The following SLCO4A1 variants were observed in gnomAD, a reference collection of about 807,000 sequenced individuals.
SLCO4A1 encodes the protein colon organic anion transporter.
Under a neutral mutation model 64.6 loss-of-function variants are expected in SLCO4A1, and 51 were observed. That is an observed-to-expected ratio of 0.79 (90% CI 0.63 to 1.00). The LOEUF is 1.00. Among genes scored for constraint, SLCO4A1 ranks in the 50% least tolerant of loss-of-function variants. The pLI is 0.00. For missense variants in SLCO4A1, 919 were observed against 980.5 expected (o/e 0.94, Z 0.84); for synonymous variants, 471 against 444.9 (o/e 1.06, Z -0.74).
rs1044688443 is a variant in SLCO4A1 at position 62,680,293 on chromosome 20, A to G, written n.212-5148A>G. On this transcript the variant is annotated intron_variant and non_coding_transcript_variant, in intron 2 of 2. Coordinates refer to the SLCO4A1 transcript ENST00000466818. ...GGATTTCTACATAAACAGCCATGTC[A>G]TCTGTGAAGAGGGAGAGTTTTAATT... Among the ~76,000 whole-genome samples the G allele has an allele frequency of 2.0e-5, 3 of 152,212 alleles. No homozygotes were observed. The East Asian group carries it at 5.8e-4, about 29-fold the overall frequency.
chr20:62,670,493 A>G (rs149183841), intron 11 of SLCO4A1, among the ~76,000 whole-genome samples: 88 of 152,326 alleles, frequency 5.8e-4, no homozygotes, highest in African/African-American at 1.6e-3. Flanking sequence ...AGCTCTGCCA[A>G]TGGGAAGCCG....
intron 1 of SLCO4A1, among the ~76,000 whole-genome samples, chr20:62,653,353 G>T (rs1002757156): frequency 1.3e-5 from 2 of 152,226 alleles, no homozygotes; most frequent in Non-Finnish European, 2.9e-5. Context: ...AACAAGCCTT[G>T]CCTGGACCTG....
chr20:62,679,464 T>G (rs913115616), intron 2 of SLCO4A1, among the ~76,000 whole-genome samples: 2 of 152,058 alleles, frequency 1.3e-5, no homozygotes, highest in Non-Finnish European at 2.9e-5. Context: ...TGGTCTCAAG[T>G]GATCCTCCCA....
intron 2 of SLCO4A1, among the ~76,000 whole-genome samples, chr20:62,684,542 G>A (rs1987981386): frequency 6.6e-6 from 1 of 152,156 alleles, no homozygotes; most frequent in African/African-American, 2.4e-5. Context: ...CACAATCACA[G>A]GGGAGACTGC....
In SLCO4A1 at chr20:62,661,161, C is replaced by T; in HGVS notation, c.1107C>T (p.Ile369=). The T allele has an allele frequency of 6.2e-7, 1 of 1,612,288 alleles. No homozygotes were observed. The highest frequency in any genetic ancestry group is 1.1e-5 in the South Asian group (1 of 91,062). ...EASNPDFGKT[I]RDLPLSIWLL... ...GCAACCCGGACTTTGGGAAAACCAT[C>T]AGAGACCTGCCTCTGTAAGGACCGG... is the stretch of plus-strand genomic sequence containing the variant. Residue 369 remains isoleucine (I), a synonymous_variant, in exon 5 of 12, where the codon ATC becomes ATT. Transcript: ENST00000217159. This position sits in a 1 kb window ranked among gnomAD's most constrained non-coding sequence, Gnocchi z 5.2.
intron 2 of SLCO4A1, among the ~76,000 whole-genome samples, chr20:62,683,098 T>A (rs1987909843): frequency 6.6e-6 from 1 of 152,334 alleles, no homozygotes; most frequent in South Asian, 2.1e-4. Context: ...AGAACCATAA[T>A]TTGCACTTAG....
chr20:62,655,838 G>A (rs1044218627), intron 1 of SLCO4A1, among the ~76,000 whole-genome samples: 4 of 152,224 alleles, frequency 2.6e-5, no homozygotes, highest in Non-Finnish European at 1.5e-5. Context: ...GGTGCAGAGA[G>A]CTGCCGGGTG....
chr20:62,672,853 C>T (rs1001331404), downstream of SLCO4A1, among the ~76,000 whole-genome samples: 2 of 152,158 alleles, frequency 1.3e-5, no homozygotes, highest in Non-Finnish European at 2.9e-5. Context: ...CTCGCTGAGC[C>T]CTGCAGCCCC....
chr20:62,671,321 C>T (rs1006836806), intron 11 of SLCO4A1, among the ~76,000 whole-genome samples: 2 of 152,156 alleles, frequency 1.3e-5, no homozygotes, highest in Non-Finnish European at 2.9e-5. Context: ...CTGCATGTGG[C>T]CTTTCCCTCT....
chr20:62,673,749 A>T (rs1987444931), downstream of SLCO4A1, among the ~76,000 whole-genome samples: 6 of 103,088 alleles, frequency 5.8e-5, no homozygotes, highest in African/African-American at 5.8e-5. Context: ...GCCAAGGGCC[A>T]CGTGAGCCAA....
downstream of SLCO4A1, among the ~76,000 whole-genome samples, chr20:62,673,167 G>A (rs1239652417): frequency 2.8e-5 from 4 of 142,710 alleles, no homozygotes; most frequent in Non-Finnish European, 3.2e-5. Flanking sequence ...AGGGGCATGG[G>A]GGGGGCACAG....
chr20:62,672,068 T>C lies in SLCO4A1; in HGVS notation c.*175T>C. The C allele has an allele frequency of 6.7e-7, 1 of 1,491,648 alleles. No individual in the cohort carries two copies. Among genetic ancestry groups the C allele is most frequent in the Non-Finnish European group, 8.9e-7 (1 of 1,122,414 alleles). 92.4% of individuals were successfully genotyped at this position (1,491,648 alleles called of 1,614,324 possible). On this transcript the variant is annotated 3_prime_UTR_variant, in exon 12 of 12. Coordinates refer to ENST00000217159, the MANE Select transcript of SLCO4A1 (RefSeq NM_016354.4). The stretch of plus-strand genomic sequence containing the variant: ...TCCCCAGAGCTGTACGGCCCTGCAG[T>C]GGGTGGGAGGAACTTGCATAAATAT...
intron 1 of SLCO4A1, chr20:62,652,063 C>G (rs970097615): frequency 6.8e-6 from 1 of 147,946 alleles, no homozygotes; most frequent in African/African-American, 2.5e-5. Flanking sequence ...CCCCCACCCC[C>G]GCTCGGCCCC....
chr20:62,669,227 C>T, intron 11 of SLCO4A1, 149 bp downstream of exon 11: 3 of 802,540 alleles, frequency 3.7e-6, no homozygotes, highest in Non-Finnish European at 5.9e-6. Flanking sequence ...TCCCACATTC[C>T]TCATGAGTTG....
At position 62,657,074 on chromosome 20, in the gene SLCO4A1, C is replaced by G. The variant is rs368176003; in HGVS notation, c.620C>G (p.Thr207Arg). 5.4e-5 allele frequency: 87 copies of G among 1,602,422 alleles called. No homozygotes were observed. The highest frequency in any genetic ancestry group is 7.2e-5 in the Non-Finnish European group (85 of 1,175,254). ...GTGGAGTTGGACGCGGGTGTCAGGACGTGCCCTGCCAACCCCGGCGCGGTG... is the reference window on the plus strand; with the variant it reads ...GTGGAGTTGGACGCGGGTGTCAGGAGGTGCCCTGCCAACCCCGGCGCGGTG... The part of the protein sequence containing the change: ...YEVELDAGVR[T>R]CPANPGAVCA... The change falls in exon 2 of 12, where the codon ACG becomes AGG. Residue 207 changes from threonine to arginine, a missense_variant. Transcript: ENST00000217159.
chr20:62,665,395 C>T, intron 6 of SLCO4A1: 1 of 302,168 alleles, frequency 3.3e-6, no homozygotes. Flanking sequence ...TTGGACCTGG[C>T]TGTTCCATGA....
At chr20:62,654,721 G>T (rs763073977) in intron 1 of SLCO4A1, among the ~76,000 whole-genome samples, 28 of 152,178 alleles carry the variant, frequency 1.8e-4, no homozygotes, top group Non-Finnish European at 3.7e-4. Context: ...AAGCGCCGGG[G>T]TCCCTGTTGA....
intron 1 of SLCO4A1, among the ~76,000 whole-genome samples, chr20:62,650,952 A>G (rs564943965): frequency 4.4e-4 from 67 of 152,344 alleles, no homozygotes; most frequent in Middle Eastern, 3.4e-3. Flanking sequence ...CCAGCTCAGA[A>G]CGGCACGCTC....
At chr20:62,653,969 A>G (rs111537359) in intron 1 of SLCO4A1, among the ~76,000 whole-genome samples, 6 of 152,234 alleles carry the variant, frequency 3.9e-5, no homozygotes, top group African/African-American at 9.6e-5. Flanking sequence ...CAGCACACCA[A>G]CATGGCACAT....
Sources: gnomAD v4.1 joint callset for allele counts (sites outside exome capture counted in the v4.1 genomes callset) on GRCh38, gnomAD v4.1.1 for gene constraint, Gnocchi (gnomAD v3.1) non-coding constraint, MANE v1.5 for transcripts, NCBI Gene and HGNC (gene_info 2026-07-23, HGNC 2026-07-21) for gene names.